Variants in ST6GAL1 observed in about 807,000 individuals in gnomAD.
ST6GAL1 encodes beta-galactoside alpha-2,6-sialyltransferase 1.
ST6GAL1 carries 20 observed loss-of-function variants against 38.0 expected under a neutral mutation model. The ratio of observed to expected loss-of-function variants is 0.53; its 90% CI spans 0.37 to 0.77. The LOEUF is 0.77. Ranked by LOEUF, ST6GAL1 falls within the 30% of genes least tolerant of loss-of-function variation. ST6GAL1 has a pLI of 0.00. For missense variants in ST6GAL1, 432 were observed against 496.4 expected, an observed-to-expected ratio of 0.87 and a Z score of 1.23; for synonymous variants, 196 against 188.2, an observed-to-expected ratio of 1.04 and a Z score of -0.34.
At chr3:187,028,701 G>C (rs929518027) in intron 2 of ST6GAL1, among the ~76,000 whole-genome samples, 2 of 152,110 alleles carry the variant, frequency 1.3e-5, no homozygotes, top group Non-Finnish European at 2.9e-5. Context: ...CAAGGTGTAC[G>C]TATTACATAT....
At chr3:186,996,152 T>G (rs2108549249) in intron 2 of ST6GAL1, among the ~76,000 whole-genome samples, 1 of 152,340 alleles carries the variant, frequency 6.6e-6, no homozygotes, top group Non-Finnish European at 1.5e-5. Context: ...GTATATTGAA[T>G]AGCAGTAATA....
chr3:187,042,724 G>GAAA lies in ST6GAL1; in HGVS notation c.24_26dup (p.Lys9dup). ...TCATTATGATTCACACCAACCTGAAGAAAAAGTTCAGCTGCTGCGTCCTGG... is the reference window on the plus strand; with the variant it reads ...TCATTATGATTCACACCAACCTGAAGAAAAAAAAGTTCAGCTGCTGCGTCCTGG... On this transcript the variant is annotated inframe_insertion, in exon 4 of 8. Transcript: ENST00000169298. 1.2e-6 allele frequency: 2 copies of GAAA among 1,612,014 alleles called. No homozygotes were observed. The highest frequency in any genetic ancestry group is 1.7e-6 in the Non-Finnish European group (2 of 1,179,016).
At chr3:187,025,309 TC>T (rs1717498312) in intron 2 of ST6GAL1, among the ~76,000 whole-genome samples, 1 of 152,094 alleles carries the variant, frequency 6.6e-6, no homozygotes, top group Non-Finnish European at 1.5e-5. Context: ...GTGAGACAGT[TC>T]CTCTTTCTGA....
chr3:186,977,255 C>T (rs895348089), intron 2 of ST6GAL1, among the ~76,000 whole-genome samples: 84 of 152,314 alleles, frequency 5.5e-4, no homozygotes, highest in African/African-American at 1.9e-3. Context: ...GGCTTCTCCC[C>T]CATTTCTTTG....
intron 2 of ST6GAL1, among the ~76,000 whole-genome samples, chr3:187,030,336 T>C (rs538758028): frequency 3.1e-4 from 47 of 152,296 alleles, no homozygotes; most frequent in African/African-American, 1.1e-3. Flanking sequence ...AGAGGTTCAG[T>C]CTAACACTTG....
At chr3:187,020,377 T>C (rs1717256238) in intron 2 of ST6GAL1, among the ~76,000 whole-genome samples, 1 of 152,192 alleles carries the variant, frequency 6.6e-6, no homozygotes, top group African/African-American at 2.4e-5. Context: ...ACTTAAACTC[T>C]CTGAGTTTCA....
chr3:186,956,271 T>A lies in ST6GAL1; in HGVS notation c.-324-7514T>A, dbSNP rs1714747168. Among the ~76,000 whole-genome samples the A allele has an allele frequency of 2.0e-5, 3 of 152,324 alleles. No homozygotes were observed. The South Asian group carries it at 6.2e-4, about 32-fold the overall frequency. ...TGCAACTTTCAAGTCCAAAAATTTG[T>A]GAAAGTCAAGCTTTATTCTTAACCC... On this transcript the variant is annotated intron_variant, in intron 1 of 7. Coordinates refer to ENST00000169298, the MANE Select transcript of ST6GAL1 (RefSeq NM_173216.2).
In ST6GAL1 at chr3:187,077,313, C is replaced by T. The variant is rs145799772; in HGVS notation, c.*1510C>T. The T allele has an allele frequency of 5.8e-4, 126 of 218,268 alleles. No individual in the cohort carries two copies. The highest frequency in any genetic ancestry group is 8.8e-4 in the Admixed American group (15 of 17,056). The allele number at this position is 218,268 out of a possible 1,614,324, so 13.5% of individuals were successfully genotyped here. ...AGGGAATCCTGCTGGACCAGCGCAG[C>T]CCTGGTGTGGAGAGGTTAAAAGACT... is the stretch of plus-strand genomic sequence containing the variant. On this transcript the variant is annotated 3_prime_UTR_variant, in exon 8 of 8. Coordinates refer to ENST00000169298, the MANE Select transcript of ST6GAL1 (RefSeq NM_173216.2).
At chr3:186,964,734 G>A (rs749650362) in intron 2 of ST6GAL1, among the ~76,000 whole-genome samples, 4 of 152,190 alleles carry the variant, frequency 2.6e-5, no homozygotes, top group African/African-American at 4.8e-5. Flanking sequence ...GGAAACTTAT[G>A]CCATGGAAAT....
In ST6GAL1 at chr3:187,075,996, T is replaced by C. The variant is rs1719548674; in HGVS notation, c.*193T>C. On this transcript the variant is annotated 3_prime_UTR_variant, in exon 8 of 8. Coordinates refer to ENST00000169298, the MANE Select transcript of ST6GAL1 (RefSeq NM_173216.2). This position sits in a 1 kb window ranked among gnomAD's most constrained non-coding sequence, Gnocchi z 4.1. ...TCCAGCCTTCCCTGTAGCCAGACAG[T>C]TTATGAGCCCAGAGCCTCCTGCCAC... The C allele has an allele frequency of 1.3e-6, 1 of 777,724 alleles. No individual in the cohort carries two copies. Among genetic ancestry groups the C allele is most frequent in the African/African-American group, 1.8e-5 (1 of 57,006 alleles). 48.2% of individuals were successfully genotyped at this position (777,724 alleles called of 1,614,324 possible). A position where few individuals can be genotyped will look rare whatever the true frequency, so the allele number is the denominator to read the frequency against.
chr3:186,932,773 C>T (rs73187734), intron 1 of ST6GAL1, among the ~76,000 whole-genome samples: 8,027 of 151,926 alleles, frequency 0.053, 298 homozygotes, highest in East Asian at 0.11. Context: ...TTTTTTTTAA[C>T]GAGAGTCCCA....
Position 187,075,918 on chromosome 3 carries a change from C to A in ST6GAL1, c.*115C>A. 6.8e-7 allele frequency: 1 copy of A among 1,469,070 alleles called. No individual in the cohort carries two copies. The highest frequency in any genetic ancestry group is 9.1e-7 in the Non-Finnish European group (1 of 1,101,000). The allele number at this position is 1,469,070 out of a possible 1,614,324, so 91.0% of individuals were successfully genotyped here. A position where few individuals can be genotyped will look rare whatever the true frequency, so the allele number is the denominator to read the frequency against. ...CAGCCTGCTCCTTTTACTCTAGGGG[C>A]CTCTGTCAGCAAGACCATGGGGACT... On this transcript the variant is annotated 3_prime_UTR_variant, in exon 8 of 8. Transcript: ENST00000169298. The surrounding 1 kb of genome is among the most constrained non-coding windows in gnomAD (Gnocchi z 4.1).
At chr3:187,033,289 A>G (rs185627671) in intron 2 of ST6GAL1, among the ~76,000 whole-genome samples, 346 of 152,200 alleles carry the variant, frequency 2.3e-3, no homozygotes, top group Middle Eastern at 6.8e-3. Context: ...GCCGGTGCCT[A>G]TATTACCCAG....
At chr3:187,011,388 A>G (rs1716952406) in intron 2 of ST6GAL1, among the ~76,000 whole-genome samples, 1 of 152,232 alleles carries the variant, frequency 6.6e-6, no homozygotes, top group African/African-American at 2.4e-5. Context: ...TGGCTCTACA[A>G]CTTACTAGTT....
chr3:186,942,271 G>A (rs753369521), intron 1 of ST6GAL1: 1 of 152,258 alleles, frequency 6.6e-6, no homozygotes, highest in Non-Finnish European at 1.5e-5. Flanking sequence ...GTTTCCCTTG[G>A]ATCTTGGCAA....
chr3:186,993,868 A>G (rs896886318), intron 2 of ST6GAL1, among the ~76,000 whole-genome samples: 78 of 152,170 alleles, frequency 5.1e-4, no homozygotes, highest in African/African-American at 1.8e-3. Context: ...ACATTACGTT[A>G]TGTAAGCGAT....
intron 2 of ST6GAL1, among the ~76,000 whole-genome samples, chr3:187,021,183 C>T (rs1335838097): frequency 6.6e-6 from 1 of 151,944 alleles, no homozygotes; most frequent in Admixed American, 6.6e-5. Flanking sequence ...AGGATGGTCT[C>T]GATCTCCTGA....
At chr3:186,963,162 G>A (rs1291601407) in intron 1 of ST6GAL1, among the ~76,000 whole-genome samples, 1 of 152,136 alleles carries the variant, frequency 6.6e-6, no homozygotes, top group South Asian at 2.1e-4. Context: ...ATAATATATG[G>A]GTTGAAAATT....
Position 187,075,572 on chromosome 3 carries a change from C to T in ST6GAL1, c.990C>T (p.Ile330=). ...PPSSGMLGII[I]MMTLCDQVDI... ...TGCTCCCCTCTCCAGGTATCATCAT[C>T]ATGATGACGCTGTGTGACCAGGTGG... The change falls in exon 8 of 8, where the codon ATC becomes ATT. Residue 330 remains isoleucine (I), a synonymous_variant. Transcript: ENST00000169298. This position sits in a 1 kb window ranked among gnomAD's most constrained non-coding sequence, Gnocchi z 4.1. The T allele has an allele frequency of 6.2e-7, 1 of 1,614,160 alleles. No homozygotes were observed. The highest frequency in any genetic ancestry group is 8.5e-7 in the Non-Finnish European group (1 of 1,179,990).
Sources: gnomAD v4.1 joint callset for allele counts (sites outside exome capture counted in the v4.1 genomes callset) on GRCh38, gnomAD v4.1.1 for gene constraint, Gnocchi (gnomAD v3.1) non-coding constraint, MANE v1.5 for transcripts, NCBI Gene and HGNC (gene_info 2026-07-23, HGNC 2026-07-21) for gene names.